Variants in GABRB1 observed in about 807,000 individuals in gnomAD.
GABRB1 encodes the protein gamma-aminobutyric acid receptor subunit beta-1.
Under a neutral mutation model 51.6 loss-of-function variants are expected in GABRB1, and 17 were observed. That is an observed-to-expected ratio of 0.33 (90% CI 0.23 to 0.49). The LOEUF is 0.49. Among genes scored for constraint, GABRB1 ranks in the 20% least tolerant of loss-of-function variants. The pLI is 0.99. For missense variants in GABRB1, 410 were observed against 600.6 expected (o/e 0.68, Z 3.32); for synonymous variants, 247 against 218.9 (o/e 1.13, Z -1.14).
intron 3 of GABRB1, among the ~76,000 whole-genome samples, chr4:47,134,083 T>A (rs1238898892): frequency 1.3e-5 from 2 of 152,220 alleles, no homozygotes; most frequent in African/African-American, 4.8e-5. Flanking sequence ...ACTACTGTTG[T>A]TGGTTTTGTA....
intron 4 of GABRB1, among the ~76,000 whole-genome samples, chr4:47,195,456 TTA>T (rs1719639075): frequency 1.1e-5 from 1 of 89,616 alleles, no homozygotes; most frequent in Non-Finnish European, 2.4e-5. Context: ...GATAGATAGA[TTA>T]GATGATAGAT....
chr4:47,036,198 A>C (rs915686531), intron 3 of GABRB1, among the ~76,000 whole-genome samples: 1 of 152,224 alleles, frequency 6.6e-6, no homozygotes, highest in Non-Finnish European at 1.5e-5. Flanking sequence ...AATAATGCTT[A>C]ATGAAAGACA....
chr4:47,294,409 T>G (rs1053193844), intron 4 of GABRB1, among the ~76,000 whole-genome samples: 1 of 152,212 alleles, frequency 6.6e-6, no homozygotes, highest in Non-Finnish European at 1.5e-5. Context: ...ACCCTAATAC[T>G]GTGCTTTTGC....
chr4:47,281,238 G>A (rs1723283294), intron 4 of GABRB1, among the ~76,000 whole-genome samples: 1 of 152,000 alleles, frequency 6.6e-6, no homozygotes, highest in South Asian at 2.1e-4. Context: ...AACAAAAGAT[G>A]GGAACAGACA....
chr4:47,268,137 A>G (rs946490976), intron 4 of GABRB1, among the ~76,000 whole-genome samples: 1 of 152,200 alleles, frequency 6.6e-6, no homozygotes, highest in African/African-American at 2.4e-5. Flanking sequence ...TCCATGTGTA[A>G]TAAATCATCT....
chr4:47,073,257 C>A (rs1404009413), intron 3 of GABRB1, among the ~76,000 whole-genome samples: 1 of 152,252 alleles, frequency 6.6e-6, no homozygotes, highest in East Asian at 1.9e-4. Context: ...AATGTCTGGA[C>A]ATATTTAGAG....
intron 3 of GABRB1, among the ~76,000 whole-genome samples, chr4:47,056,412 A>G (rs1408591053): frequency 6.6e-6 from 1 of 152,182 alleles, no homozygotes; most frequent in Middle Eastern, 3.2e-3. Context: ...CTTTCATACC[A>G]AGGTTTGTGG....
At chr4:47,207,008 CT>C (rs1183668296) in intron 4 of GABRB1, among the ~76,000 whole-genome samples, 1 of 151,844 alleles carries the variant, frequency 6.6e-6, no homozygotes, top group Admixed American at 6.6e-5. Flanking sequence ...TGTTAATTGA[CT>C]TTTCATCTTT....
At chr4:47,104,506 T>TTCTCTC (rs3050703) in intron 3 of GABRB1, among the ~76,000 whole-genome samples, 4 of 148,968 alleles carry the variant, frequency 2.7e-5, no homozygotes, top group Non-Finnish European at 4.5e-5. Flanking sequence ...TCCTGCTGTC[T>TTCTCTC]TCTCTCTCTC....
intron 5 of GABRB1, among the ~76,000 whole-genome samples, chr4:47,382,607 A>T (rs1244311010): frequency 6.6e-6 from 1 of 152,174 alleles, no homozygotes; most frequent in African/African-American, 2.4e-5. Context: ...CTTCCCAATC[A>T]GGTCATGGAA....
At chr4:47,202,664 T>C (rs1719939560) in intron 4 of GABRB1, among the ~76,000 whole-genome samples, 1 of 152,186 alleles carries the variant, frequency 6.6e-6, no homozygotes, top group African/African-American at 2.4e-5. Flanking sequence ...CAAGACTGTC[T>C]CAAATAAGTC....
At chr4:47,251,541 G>A (rs73150151) in intron 4 of GABRB1, among the ~76,000 whole-genome samples, 1 of 152,154 alleles carries the variant, frequency 6.6e-6, no homozygotes, top group Non-Finnish European at 1.5e-5. Flanking sequence ...TCACCTAACA[G>A]GGTGGGTAGG....
chr4:47,408,389 A>T (rs922265566), intron 8 of GABRB1, among the ~76,000 whole-genome samples: 1 of 152,220 alleles, frequency 6.6e-6, no homozygotes, highest in Non-Finnish European at 1.5e-5. Flanking sequence ...CTGGATACTT[A>T]GGCCAAATTA....
At chr4:47,208,354 A>G (rs1179304192) in intron 4 of GABRB1, among the ~76,000 whole-genome samples, 1 of 152,082 alleles carries the variant, frequency 6.6e-6, no homozygotes, top group African/African-American at 2.4e-5. Context: ...TGGGGAATTA[A>G]TGCTTAATAG....
intron 3 of GABRB1, among the ~76,000 whole-genome samples, chr4:47,144,909 C>T (rs908304689): frequency 2.6e-5 from 4 of 151,602 alleles, no homozygotes; most frequent in Non-Finnish European, 5.9e-5. Context: ...CATGCCAAGC[C>T]GAATGTATGA....
intron 1 of GABRB1, among the ~76,000 whole-genome samples, chr4:47,000,440 T>A (rs892672341): frequency 1.3e-5 from 2 of 152,260 alleles, no homozygotes; most frequent in Non-Finnish European, 2.9e-5. Flanking sequence ...TTACTTTTTT[T>A]ATATTCATCT....
At chr4:47,339,855 ACC>A (rs763221071) in intron 5 of GABRB1, among the ~76,000 whole-genome samples, 3 of 143,324 alleles carry the variant, frequency 2.1e-5, no homozygotes, top group African/African-American at 7.8e-5. Flanking sequence ...ACACACACAC[ACC>A]CCACTTTGGG....
At chr4:47,158,293 A>G (rs1717786682) in intron 3 of GABRB1, among the ~76,000 whole-genome samples, 1 of 152,106 alleles carries the variant, frequency 6.6e-6, no homozygotes, top group Non-Finnish European at 1.5e-5. Context: ...ACAAATTAAA[A>G]TTGTGTATAT....
At chr4:47,028,858 T>C (rs1426583960), upstream of GABRB1, among the ~76,000 whole-genome samples, 1 of 148,644 alleles carries the variant, frequency 6.7e-6, no homozygotes, top group East Asian at 1.9e-4. Flanking sequence ...TATGTGTATA[T>C]ATGGTATATA....
Sources: allele counts gnomAD v4.1 joint callset (sites outside exome capture counted in the v4.1 genomes callset), GRCh38; gene constraint gnomAD v4.1.1; transcripts MANE v1.5; gene names NCBI Gene and HGNC (gene_info 2026-07-23, HGNC 2026-07-21).